The following FSTL4 variants were observed in gnomAD, a reference collection of about 807,000 sequenced individuals.
The protein encoded by FSTL4 is follistatin like 4.
In FSTL4, 28 loss-of-function variants were observed where a neutral mutation model predicts 78.2. The observed-to-expected ratio is 0.36, with a 90% CI of 0.27 to 0.49. The LOEUF (loss-of-function observed/expected upper bound fraction) is 0.49, where lower values mean the gene tolerates loss of function less well. Among genes scored for constraint, FSTL4 ranks in the 20% least tolerant of loss-of-function variants. The probability of loss-of-function intolerance (pLI) is 0.98; values close to 1 mark genes in which losing one functional copy is unlikely to be tolerated. For missense variants in FSTL4, 922 were observed against 1,084.9 expected (o/e 0.85, Z 2.11); for synonymous variants, 422 against 440.5 (o/e 0.96, Z 0.53).
At chr5:133,834,950 T>C in the FSTL4 span, among the ~76,000 whole-genome samples, 1 of 152,100 alleles carries the variant, frequency 6.6e-6, no homozygotes, top group Non-Finnish European at 1.5e-5. Context: ...CTTCTTGTCT[T>C]TTTTCTGATT....
chr5:133,492,473 A>ACT (rs1233167278), intron 3 of FSTL4, among the ~76,000 whole-genome samples: 1 of 152,058 alleles, frequency 6.6e-6, no homozygotes, highest in African/African-American at 2.4e-5. Context: ...TTTGCCCTTC[A>ACT]CTCTCAAACA....
chr5:133,249,557 G>A lies in FSTL4; in HGVS notation c.747C>T (p.Leu249=), dbSNP rs1333711936. 9 of 1,612,492 alleles carry A rather than the reference G, an allele frequency of 5.6e-6. No individual in the cohort carries two copies. Among genetic ancestry groups the A allele is most frequent in the East Asian group, 2.2e-5 (1 of 44,844 alleles). The part of the protein sequence containing the change: ...YMAFQVVQLS[L]APEDRVSVTT... ...TCACACTGACCCTGTCCTCGGGGGC[G>A]AGGCTGAGCTGAACCACTTCTGCAG... is the stretch of plus-strand genomic sequence containing the variant. The change falls in exon 7 of 16, where the codon CTC becomes CTT. Residue 249 remains leucine (L), a synonymous_variant. Transcript: ENST00000265342.
intron 3 of FSTL4, among the ~76,000 whole-genome samples, chr5:133,521,182 A>G (rs551088357): frequency 1.2e-4 from 18 of 152,092 alleles, no homozygotes; most frequent in Non-Finnish European, 2.2e-4. Flanking sequence ...ACATGTCTCC[A>G]CTTAACCTTA....
At chr5:133,406,915 G>T (rs1368462826) in intron 3 of FSTL4, among the ~76,000 whole-genome samples, 1 of 152,214 alleles carries the variant, frequency 6.6e-6, no homozygotes, top group Non-Finnish European at 1.5e-5. Context: ...CAAGTAGGTG[G>T]TAGAGCCTAG....
At chr5:133,702,588 A>T in the FSTL4 span, among the ~76,000 whole-genome samples, 6 of 152,176 alleles carry the variant, frequency 3.9e-5, no homozygotes, top group East Asian at 9.7e-4. Flanking sequence ...CTTCAACACC[A>T]CTTACCACTT....
intron 6 of FSTL4, among the ~76,000 whole-genome samples, chr5:133,274,659 G>A (rs190493158): frequency 4.9e-4 from 75 of 152,218 alleles, no homozygotes; most frequent in African/African-American, 1.7e-3. Flanking sequence ...GACCCAGAAA[G>A]CTAATCCTTC....
At chr5:133,646,296 A>G in the FSTL4 span, among the ~76,000 whole-genome samples, 2 of 152,144 alleles carry the variant, frequency 1.3e-5, no homozygotes, top group Admixed American at 6.5e-5. Context: ...AAAGGAGAAA[A>G]TAAGTCAAAG....
chr5:133,613,867 T>C (rs372229164), upstream of FSTL4, among the ~76,000 whole-genome samples: 10 of 152,346 alleles, frequency 6.6e-5, 1 homozygote, highest in East Asian at 1.9e-4. Context: ...TCAGTGACCC[T>C]GGGCCCTAGC....
chr5:133,320,761 A>C (rs1754026696), intron 4 of FSTL4, among the ~76,000 whole-genome samples: 1 of 152,118 alleles, frequency 6.6e-6, no homozygotes. Context: ...TAATCCCAGC[A>C]CTTTGGGAGG....
At chr5:133,763,019 C>G in the FSTL4 span, among the ~76,000 whole-genome samples, 1 of 152,224 alleles carries the variant, frequency 6.6e-6, no homozygotes, top group African/African-American at 2.4e-5. Flanking sequence ...ACAGTTCTGT[C>G]TCCTTCCTTG....
intron 3 of FSTL4, among the ~76,000 whole-genome samples, chr5:133,521,805 G>A (rs1041043206): frequency 6.6e-6 from 1 of 152,098 alleles, no homozygotes; most frequent in Admixed American, 6.5e-5. Context: ...CCATGACACT[G>A]CACCCATCTT....
At chr5:133,485,109 T>C (rs1219888825) in intron 3 of FSTL4, among the ~76,000 whole-genome samples, 1 of 152,244 alleles carries the variant, frequency 6.6e-6, no homozygotes, top group Non-Finnish European at 1.5e-5. Flanking sequence ...AAATGAAATG[T>C]GTCTGCCCCA....
At chr5:133,545,814 AC>A (rs1360249392) in intron 3 of FSTL4, among the ~76,000 whole-genome samples, 1 of 152,198 alleles carries the variant, frequency 6.6e-6, no homozygotes, top group East Asian at 1.9e-4. Flanking sequence ...AGAAGAGAAA[AC>A]TAGGGATAGT....
chr5:133,729,226 AACACACAC>A, the FSTL4 span, among the ~76,000 whole-genome samples: 1,817 of 148,404 alleles, frequency 0.012, 39 homozygotes, highest in African/African-American at 0.038. Flanking sequence ...GATTTATGAA[AACACACAC>A]ACACACACAC....
chr5:133,388,883 G>A (rs537821836), intron 4 of FSTL4, among the ~76,000 whole-genome samples: 3 of 151,312 alleles, frequency 2.0e-5, no homozygotes, highest in African/African-American at 7.3e-5. Context: ...TGTATTTGGG[G>A]AGCGGTTTTC....
intron 3 of FSTL4, among the ~76,000 whole-genome samples, chr5:133,418,879 G>A (rs115443350): frequency 4.6e-5 from 7 of 152,250 alleles, no homozygotes; most frequent in East Asian, 1.9e-4. Context: ...TCCTCATGCC[G>A]CTTTGTAACC....
chr5:133,640,775 G>A, the FSTL4 span, among the ~76,000 whole-genome samples: 1 of 152,178 alleles, frequency 6.6e-6, no homozygotes, highest in Non-Finnish European at 1.5e-5. Context: ...ATGTCATTTG[G>A]AAGAAGGGAC....
At chr5:133,750,132 C>T in the FSTL4 span, among the ~76,000 whole-genome samples, 1 of 152,010 alleles carries the variant, frequency 6.6e-6, no homozygotes, top group Admixed American at 6.5e-5. Context: ...AAAAACAAGT[C>T]AGAGTTAGGT....
At chr5:133,789,664 G>A in the FSTL4 span, among the ~76,000 whole-genome samples, 82 of 152,288 alleles carry the variant, frequency 5.4e-4, no homozygotes, top group African/African-American at 1.9e-3. Context: ...TTAAACATCA[G>A]ATGTTTATTT....
Sources: allele counts gnomAD v4.1 joint callset (sites outside exome capture counted in the v4.1 genomes callset), GRCh38; gene constraint gnomAD v4.1.1; transcripts MANE v1.5; gene names NCBI Gene and HGNC (gene_info 2026-07-23, HGNC 2026-07-21).